BCL7C: variants seen among roughly 807,000 people sequenced by gnomAD.
The protein encoded by BCL7C is B-cell CLL/lymphoma 7 protein family member C.
A neutral mutation model predicts 26.2 loss-of-function variants in BCL7C; 8 were observed. That is an observed-to-expected ratio of 0.30 (90% CI 0.18 to 0.55). The LOEUF is 0.55. BCL7C is among the 20% of genes least tolerant of loss of function. BCL7C has a pLI of 0.93. For missense variants in BCL7C, 262 were observed against 298.5 expected (o/e 0.88, Z 0.90); for synonymous variants, 90 against 116.5 (o/e 0.77, Z 1.47).
downstream of BCL7C, among the ~76,000 whole-genome samples, chr16:30,887,380 CG>C (rs1306837013): frequency 6.6e-6 from 1 of 150,620 alleles, no homozygotes; most frequent in East Asian, 1.9e-4. Context: ...CCTGTGGTCC[CG>C]GCTACTTGGG....
At chr16:30,883,589 C>T (rs2055076804), downstream of BCL7C, among the ~76,000 whole-genome samples, 1 of 131,324 alleles carries the variant, frequency 7.6e-6, no homozygotes, top group South Asian at 2.5e-4. Context: ...CACTCTGTTG[C>T]CCAGGCAACC....
At chr16:30,843,051 C>A (rs1459891951) in intron 5 of BCL7C, among the ~76,000 whole-genome samples, 1 of 152,222 alleles carries the variant, frequency 6.6e-6, no homozygotes, top group Non-Finnish European at 1.5e-5. Context: ...AAATCCCTGG[C>A]CATCCAGCCA....
rs1567308543 is a variant in BCL7C, at chr16:30,846,240, T to TTTATTTATTTA, written c.529-11093_529-11092insTAAATAAATAA. Among the ~76,000 whole-genome samples the TTTATTTATTTA allele has an allele frequency of 2.6e-3, 203 of 79,086 alleles. 2 individuals carry two copies. The highest frequency in any genetic ancestry group is 0.011 in the African/African-American group (193 of 17,822). 51.9% of individuals were successfully genotyped at this position (79,086 alleles called of 152,430 possible). On this transcript the variant is annotated intron_variant, in intron 5 of 5. Transcript: ENST00000380317. ...TATTTATTTATTTATTTATTTATTT[T>TTTATTTATTTA]TTGGAGATGGAGTCTCACTCTGTGG...
intron 5 of BCL7C, 27 bp downstream of exon 5, chr16:30,888,833 G>A (rs760359864): frequency 1.2e-6 from 2 of 1,610,446 alleles, no homozygotes; most frequent in South Asian, 2.2e-5. Flanking sequence ...CCAAGACCCA[G>A]GAGTCCAGCC....
Position 30,887,900 on chromosome 16 carries a change from G to A in BCL7C, c.619C>T (p.Leu207Phe). The change falls in exon 6 of 6, where the codon CTC (leucine) becomes TTC (phenylalanine). Residue 207 changes from leucine (L) to phenylalanine (F), a missense_variant. Coordinates refer to ENST00000215115, the MANE Select transcript of BCL7C (RefSeq NM_004765.4). Reference protein sequence around the residue: ...DTEDSEGAPPLKRICPNAPDP With the variant: ...DTEDSEGAPPFKRICPNAPDP ...GGGGCATTTGGGCAGATGCGCTTGAGTGGGGGGGCACCCTCCGAGTCCTCT... is the reference window on the plus strand; with the variant it reads ...GGGGCATTTGGGCAGATGCGCTTGAATGGGGGGGCACCCTCCGAGTCCTCT... 1 of 1,601,638 alleles carries A rather than the reference G, an allele frequency of 6.2e-7. No individual in the cohort carries two copies. The highest frequency in any genetic ancestry group is 8.5e-7 in the Non-Finnish European group (1 of 1,174,784).
At chr16:30,883,209 C>T (rs542107627), downstream of BCL7C, among the ~76,000 whole-genome samples, 1 of 152,102 alleles carries the variant, frequency 6.6e-6, no homozygotes, top group Admixed American at 6.6e-5. Context: ...TCAGTGAGCC[C>T]CAGAGGTGGG....
At chr16:30,891,195 G>T (rs1240711020) in intron 4 of BCL7C, among the ~76,000 whole-genome samples, 1 of 150,376 alleles carries the variant, frequency 6.6e-6, no homozygotes, top group Non-Finnish European at 1.5e-5. Flanking sequence ...AAGGCTGGGC[G>T]TGGTGGCTCG....
intron 5 of BCL7C, 190 bp downstream of exon 5, chr16:30,888,670 C>G (rs1433858230): frequency 1.9e-6 from 1 of 533,016 alleles, no homozygotes; most frequent in African/African-American, 1.9e-5. Flanking sequence ...CAGCCCTGAT[C>G]CAGCCCTCAG....
Position 30,893,701 on chromosome 16 carries a change from C to A in BCL7C, c.92+152G>T, listed in dbSNP as rs1477713184. On this transcript the variant is annotated intron_variant, in intron 1 of 5. Transcript: ENST00000215115. This position sits in a 1 kb window ranked among gnomAD's most constrained non-coding sequence, Gnocchi z 5.2. ...TTGTAGACCCCCAGGAGTAGCCAGG[C>A]GAACGGGGACAGAGCCCTGTGGATC... 7.6e-6 allele frequency: 5 copies of A among 658,892 alleles called. No homozygotes were observed. The highest frequency in any genetic ancestry group is 1.9e-5 in the African/African-American group (1 of 53,926). 40.8% of individuals were successfully genotyped at this position (658,892 alleles called of 1,614,324 possible).
In BCL7C at chr16:30,893,014, G is replaced by T; in HGVS notation, c.172-66C>A. ...CCACCATACACCTAAGGAAACTGAG[G>T]CACTGAGAAGCAAAAGGGCTCAAAC... On this transcript the variant is annotated intron_variant, in intron 2 of 5. Transcript: ENST00000215115. This position sits in a 1 kb window ranked among gnomAD's most constrained non-coding sequence, Gnocchi z 5.2. The T allele has an allele frequency of 6.8e-7, 1 of 1,467,854 alleles. No individual in the cohort carries two copies. The highest frequency in any genetic ancestry group is 9.4e-7 in the Non-Finnish European group (1 of 1,069,258). The allele number at this position is 1,467,854 out of a possible 1,614,324, so 90.9% of individuals were successfully genotyped here.
intron 5 of BCL7C, among the ~76,000 whole-genome samples, chr16:30,842,772 G>A (rs1213645126): frequency 5.3e-5 from 8 of 152,176 alleles, no homozygotes; most frequent in Admixed American, 5.2e-4. Flanking sequence ...GTATCACCGT[G>A]TCAGCCAGGA....
intron 5 of BCL7C, among the ~76,000 whole-genome samples, chr16:30,847,963 T>G (rs1256975693): frequency 1.3e-5 from 2 of 151,772 alleles, no homozygotes; most frequent in East Asian, 3.9e-4. Context: ...GTGCTAAGGA[T>G]GTTAGACCAG....
Position 30,893,157 on chromosome 16 carries a change from G to T in BCL7C, c.171+55C>A. On this transcript the variant is annotated intron_variant, in intron 2 of 5. Coordinates refer to ENST00000215115, the MANE Select transcript of BCL7C (RefSeq NM_004765.4). The surrounding 1 kb of genome is among the most constrained non-coding windows in gnomAD (Gnocchi z 5.2). The stretch of plus-strand genomic sequence containing the variant: ...TGGAGGTAGAGGTCAGCGTGGGGAG[G>T]AACTTGCCTGAGGTTGCACAGATGC... 1 of 1,560,366 alleles carries T rather than the reference G, an allele frequency of 6.4e-7. No homozygotes were observed. Among genetic ancestry groups the T allele is most frequent in the Non-Finnish European group, 8.8e-7 (1 of 1,139,948 alleles).
At chr16:30,888,302 A>G (rs2055167466) in intron 5 of BCL7C, among the ~76,000 whole-genome samples, 2 of 152,182 alleles carry the variant, frequency 1.3e-5, no homozygotes, top group African/African-American at 2.4e-5. Context: ...TTTTTTGAAA[A>G]TGCATGGAGG....
At chr16:30,887,476 CAAA>C (rs397854743), downstream of BCL7C, among the ~76,000 whole-genome samples, 6 of 75,774 alleles carry the variant, frequency 7.9e-5, no homozygotes, top group Admixed American at 1.5e-4. Context: ...GTCTGTGTCT[CAAA>C]AAAAAAAAAA....
downstream of BCL7C, among the ~76,000 whole-genome samples, chr16:30,883,090 C>T (rs748054700): frequency 6.6e-6 from 1 of 152,022 alleles, no homozygotes; most frequent in Admixed American, 6.6e-5. Flanking sequence ...GCAGGTGGGA[C>T]CCAGCAGGGA....
At chr16:30,860,741 G>A (rs867163714) in intron 5 of BCL7C, among the ~76,000 whole-genome samples, 41 of 152,136 alleles carry the variant, frequency 2.7e-4, no homozygotes, top group African/African-American at 6.0e-4. Context: ...AATGTGACTC[G>A]TCCCAAATCT....
intron 5 of BCL7C, among the ~76,000 whole-genome samples, chr16:30,869,708 T>G (rs1194207771): frequency 6.6e-6 from 1 of 151,476 alleles, no homozygotes; most frequent in Non-Finnish European, 1.5e-5. Flanking sequence ...AGATGGGGTC[T>G]CGCTATGGTG....
chr16:30,870,776 C>A (rs2054876106), intron 5 of BCL7C, among the ~76,000 whole-genome samples: 1 of 152,182 alleles, frequency 6.6e-6, no homozygotes, highest in African/African-American at 2.4e-5. Flanking sequence ...CACAGCCAAG[C>A]ATCACCTCCC....
Sources: allele counts gnomAD v4.1 joint callset (sites outside exome capture counted in the v4.1 genomes callset), GRCh38; gene constraint gnomAD v4.1.1; non-coding constraint Gnocchi (gnomAD v3.1); transcripts MANE v1.5; gene names NCBI Gene and HGNC (gene_info 2026-07-23, HGNC 2026-07-21).